The following ATRNL1 variants were observed in gnomAD, a reference collection of about 807,000 sequenced individuals.
The protein encoded by ATRNL1 is attractin like 1, also known as attractin-like protein 1.
ATRNL1 carries 95 observed loss-of-function variants against 182.7 expected under a neutral mutation model. The ratio of observed to expected loss-of-function variants is 0.52; its 90% CI spans 0.44 to 0.62. The LOEUF is 0.62. Among genes scored for constraint, ATRNL1 ranks in the 20% least tolerant of loss-of-function variants. The probability of loss-of-function intolerance (pLI) is 0.00; values close to 1 mark genes in which losing one functional copy is unlikely to be tolerated. For synonymous variants in ATRNL1, 576 were observed against 568.3 expected (o/e 1.01, Z -0.19); for missense variants, 1,471 against 1,679.5 (o/e 0.88, Z 2.17).
chr10:115,776,607 T>TTTTTTTTTTTTTTTTTTTTTTTTG (rs1565369382), intron 27 of ATRNL1, among the ~76,000 whole-genome samples: 1 of 152,120 alleles, frequency 6.6e-6, no homozygotes, highest in African/African-American at 2.4e-5. Context: ...TATTCATTCT[T>TTTTTTTTTTTTTTTTTTTTTTTTG]GAAACGAAGC....
chr10:115,595,116 C>T (rs953472215), intron 26 of ATRNL1, among the ~76,000 whole-genome samples: 8 of 152,160 alleles, frequency 5.3e-5, no homozygotes, highest in Non-Finnish European at 7.3e-5. Context: ...CACTAAGTCT[C>T]CTCCCAATCA....
chr10:115,771,019 A>G (rs1458356580), intron 27 of ATRNL1, among the ~76,000 whole-genome samples: 4 of 152,158 alleles, frequency 2.6e-5, no homozygotes, highest in Non-Finnish European at 4.4e-5. Flanking sequence ...TTATGAGACA[A>G]TATTAACTTT....
At chr10:115,563,144 G>A (rs978717800) in intron 26 of ATRNL1, among the ~76,000 whole-genome samples, 5 of 152,110 alleles carry the variant, frequency 3.3e-5, no homozygotes, top group African/African-American at 1.2e-4. Context: ...TGTACAAGAA[G>A]CATGGGACCA....
chr10:115,805,732 G>A (rs1555085539), intron 27 of ATRNL1, among the ~76,000 whole-genome samples: 2 of 152,084 alleles, frequency 1.3e-5, no homozygotes, highest in Admixed American at 6.6e-5. Context: ...CAGCCTGTGT[G>A]ACTAAAAGTT....
intron 20 of ATRNL1, among the ~76,000 whole-genome samples, chr10:115,404,075 G>A (rs1844710311): frequency 6.6e-6 from 1 of 152,144 alleles, no homozygotes; most frequent in Admixed American, 6.5e-5. Flanking sequence ...AGTCTAACTT[G>A]AGCATATAAC....
rs568841428 is a variant in ATRNL1, at chr10:115,948,761, A to G, written c.*3982A>G. The G allele has an allele frequency of 3.4e-4, 52 of 152,360 alleles. 2 individuals carry two copies. In the South Asian group the frequency reaches 9.7e-3, roughly 29 times the overall value. The allele number at this position is 152,360 out of a possible 1,614,324, so 9.4% of individuals were successfully genotyped here. A position where few individuals can be genotyped will look rare whatever the true frequency, so the allele number is the denominator to read the frequency against. ...AAGCCATCTGGTTGGTGTTAGTTATAGCAGTGATTTCATTAGAGTGTACAT... is the reference window on the plus strand; with the variant it reads ...AAGCCATCTGGTTGGTGTTAGTTATGGCAGTGATTTCATTAGAGTGTACAT... On this transcript the variant is annotated 3_prime_UTR_variant, in exon 29 of 29. Coordinates refer to ENST00000355044, the MANE Select transcript of ATRNL1 (RefSeq NM_207303.4).
chr10:115,297,607 C>A (rs534582622), intron 15 of ATRNL1, among the ~76,000 whole-genome samples: 1 of 146,122 alleles, frequency 6.8e-6, no homozygotes, highest in Admixed American at 7.0e-5. Flanking sequence ...ATCGAGATTG[C>A]GCCACTGCAC....
intron 28 of ATRNL1, among the ~76,000 whole-genome samples, chr10:115,935,985 G>C (rs552482621): frequency 1.3e-5 from 2 of 152,282 alleles, no homozygotes; most frequent in South Asian, 2.1e-4. Context: ...ACTGCACACA[G>C]AATCCCCTCA....
chr10:115,876,760 T>C (rs1555107328), intron 28 of ATRNL1, among the ~76,000 whole-genome samples: 1 of 152,260 alleles, frequency 6.6e-6, no homozygotes, highest in Non-Finnish European at 1.5e-5. Context: ...CATTTTTTAG[T>C]AATTTGTGTT....
intron 26 of ATRNL1, among the ~76,000 whole-genome samples, chr10:115,591,658 C>T (rs918406274): frequency 8.5e-5 from 13 of 152,264 alleles, no homozygotes; most frequent in Admixed American, 6.5e-4. Context: ...CATTGTGTAG[C>T]TTTCTCAACC....
At chr10:115,651,269 C>T (rs1392432963) in intron 26 of ATRNL1, among the ~76,000 whole-genome samples, 1 of 152,168 alleles carries the variant, frequency 6.6e-6, no homozygotes, top group Non-Finnish European at 1.5e-5. Context: ...GTACTATGCT[C>T]ACTACCTGGG....
chr10:115,330,672 C>CTTTTTTTTTTTTTTT (rs200104323), intron 18 of ATRNL1, among the ~76,000 whole-genome samples: 3 of 101,376 alleles, frequency 3.0e-5, no homozygotes, highest in Non-Finnish European at 5.9e-5. Flanking sequence ...GTGTTATTTG[C>CTTTTTTTTTTTTTTT]TTTTTTTTTT....
chr10:115,276,041 A>G (rs183589961), intron 13 of ATRNL1, among the ~76,000 whole-genome samples: 4 of 152,102 alleles, frequency 2.6e-5, no homozygotes, highest in Admixed American at 1.3e-4. Context: ...TCATTTTCCA[A>G]TACTTTTACC....
intron 24 of ATRNL1, among the ~76,000 whole-genome samples, chr10:115,512,172 T>C (rs1448656122): frequency 1.3e-5 from 2 of 151,894 alleles, no homozygotes; most frequent in Admixed American, 6.6e-5. Flanking sequence ...AATAGGAATC[T>C]TCCTAATTAG....
At chr10:115,611,076 CT>C (rs1857131769) in intron 26 of ATRNL1, among the ~76,000 whole-genome samples, 2 of 139,214 alleles carry the variant, frequency 1.4e-5, no homozygotes, top group Admixed American at 1.5e-4. Context: ...CTATATACCT[CT>C]TGATAAAATT....
intron 1 of ATRNL1, among the ~76,000 whole-genome samples, chr10:115,096,187 G>A (rs1220340666): frequency 6.6e-6 from 1 of 152,140 alleles, no homozygotes; most frequent in Non-Finnish European, 1.5e-5. Flanking sequence ...TTCCTTGGAA[G>A]CTATTATTTC....
At chr10:115,393,351 A>G (rs1469566302) in intron 19 of ATRNL1, among the ~76,000 whole-genome samples, 2 of 152,060 alleles carry the variant, frequency 1.3e-5, no homozygotes, top group Non-Finnish European at 2.9e-5. Context: ...ATCTGGTTAC[A>G]TTTGTTTGCA....
At position 115,223,929 on chromosome 10, in the gene ATRNL1, A is replaced by ATATTTTTTTTTTTTTT. The variant is rs1420143943; in HGVS notation, c.1532+8050_1532+8051insATTTTTTTTTTTTTTT. Among the ~76,000 whole-genome samples the ATATTTTTTTTTTTTTT allele has an allele frequency of 2.2e-4, 10 of 44,730 alleles. 1 individual carries two copies. The highest frequency in any genetic ancestry group is 3.7e-4 in the East Asian group (1 of 2,674). 29.3% of individuals were successfully genotyped at this position (44,730 alleles called of 152,430 possible). A position where few individuals can be genotyped will look rare whatever the true frequency, so the allele number is the denominator to read the frequency against. ...TGTGTGTGTGTATATATATATATATATTTTTTTTTTTTTTTTTTTTCTTTG... is the reference window on the plus strand; with the variant it reads ...TGTGTGTGTGTATATATATATATATATATTTTTTTTTTTTTTTTTTTTTTTTTTTTTTTTTTCTTTG... On this transcript the variant is annotated intron_variant, in intron 9 of 28. Coordinates refer to ENST00000355044, the MANE Select transcript of ATRNL1 (RefSeq NM_207303.4).
chr10:115,653,950 A>G (rs1238945913), intron 26 of ATRNL1, among the ~76,000 whole-genome samples: 3 of 152,182 alleles, frequency 2.0e-5, no homozygotes, highest in Non-Finnish European at 4.4e-5. Flanking sequence ...TCTGGAATCA[A>G]CAATGTACCA....
Sources: allele counts gnomAD v4.1 joint callset (sites outside exome capture counted in the v4.1 genomes callset), GRCh38; gene constraint gnomAD v4.1.1; transcripts MANE v1.5; gene names NCBI Gene and HGNC (gene_info 2026-07-23, HGNC 2026-07-21).